Variants in TRHDE observed in about 807,000 individuals in gnomAD.
TRHDE encodes thyrotropin-releasing hormone-degrading ectoenzyme.
In TRHDE, 72 loss-of-function variants were observed where a neutral mutation model predicts 125.7. That is an observed-to-expected ratio of 0.57 (90% CI 0.47 to 0.70). TRHDE has a LOEUF of 0.70. Ranked by LOEUF, TRHDE falls within the 30% of genes least tolerant of loss-of-function variation. The pLI, the probability that TRHDE is intolerant of heterozygous loss-of-function variation, is 0.00. For synonymous variants in TRHDE, 509 were observed against 509.1 expected (o/e 1.00, Z 0.00); for missense variants, 1,110 against 1,327.1 (o/e 0.84, Z 2.54).
chr12:72,667,683 C>G lies in TRHDE; in HGVS notation c.*4488C>G, dbSNP rs554692808. On this transcript the variant is annotated 3_prime_UTR_variant, in exon 19 of 19. Coordinates refer to ENST00000261180, the MANE Select transcript of TRHDE (RefSeq NM_013381.3). ...ACAACTATTTTTGTACACTAGTTCT[C>G]AAAACATTTATGATACCTAGTATAA... 2.0e-5 allele frequency: 3 copies of G among 151,726 alleles called. No individual in the cohort carries two copies. Among genetic ancestry groups the G allele is most frequent in the Non-Finnish European group, 4.4e-5 (3 of 67,744 alleles). 9.4% of individuals were successfully genotyped at this position (151,726 alleles called of 1,614,324 possible).
chr12:72,105,498 A>G (rs192720772), intron 1 of TRHDE: 2 of 152,348 alleles, frequency 1.3e-5, no homozygotes, highest in Non-Finnish European at 2.9e-5. Flanking sequence ...TGGAAATCAC[A>G]ATAGAATTTT....
intron 2 of TRHDE, among the ~76,000 whole-genome samples, chr12:72,150,753 A>C (rs1876341839): frequency 6.6e-6 from 1 of 151,946 alleles, no homozygotes; most frequent in Non-Finnish European, 1.5e-5. Flanking sequence ...GCTGCATAGT[A>C]TTCCATGGTG....
intron 7 of TRHDE, among the ~76,000 whole-genome samples, chr12:72,550,365 G>T (rs1869618614): frequency 1.3e-5 from 2 of 151,948 alleles, no homozygotes; most frequent in African/African-American, 4.8e-5. Flanking sequence ...TGCCTTACAG[G>T]CATTTTTCTG....
intron 9 of TRHDE, among the ~76,000 whole-genome samples, chr12:72,563,285 G>T (rs7311155): frequency 0.27 from 40,467 of 151,922 alleles, 8,132 homozygotes; most frequent in African/African-American, 0.54. Flanking sequence ...AATCATGGTG[G>T]TTAAAAAAAT....
chr12:72,297,371 T>G (rs1880339807), intron 2 of TRHDE, among the ~76,000 whole-genome samples: 1 of 152,060 alleles, frequency 6.6e-6, no homozygotes, highest in Admixed American at 6.5e-5. Flanking sequence ...AGAGGAGGGT[T>G]TCAGATTTCA....
At chr12:72,132,152 G>T (rs1347114200) in intron 2 of TRHDE, among the ~76,000 whole-genome samples, 1 of 152,172 alleles carries the variant, frequency 6.6e-6, no homozygotes, top group Non-Finnish European at 1.5e-5. Context: ...AACTTTTGGA[G>T]TTTGCAGCCT....
intron 2 of TRHDE, among the ~76,000 whole-genome samples, chr12:72,339,137 C>T (rs1265253755): frequency 1.3e-5 from 2 of 152,102 alleles, no homozygotes; most frequent in Non-Finnish European, 2.9e-5. Flanking sequence ...TAAAAGTCCA[C>T]CTTCTTCACA....
intron 2 of TRHDE, among the ~76,000 whole-genome samples, chr12:72,329,420 A>G (rs1869481879): frequency 6.6e-6 from 1 of 152,208 alleles, no homozygotes; most frequent in South Asian, 2.1e-4. Context: ...TTGGGAAATC[A>G]GAGATTTACT....
chr12:72,616,456 A>G (rs1384757656), intron 12 of TRHDE, among the ~76,000 whole-genome samples: 2 of 152,084 alleles, frequency 1.3e-5, no homozygotes, highest in Non-Finnish European at 2.9e-5. Context: ...TTTTATAGAC[A>G]CAGAATGTGA....
intron 2 of TRHDE, among the ~76,000 whole-genome samples, chr12:72,373,245 C>A (rs1380226819): frequency 6.6e-6 from 1 of 152,080 alleles, no homozygotes; most frequent in Non-Finnish European, 1.5e-5. Context: ...GATTTTGTAT[C>A]CTGAGACTTT....
chr12:72,430,445 G>GTGTATATATATACACACA (rs1565738391), intron 3 of TRHDE, among the ~76,000 whole-genome samples: 2 of 144,134 alleles, frequency 1.4e-5, no homozygotes, highest in African/African-American at 5.1e-5. Context: ...ATACACACAC[G>GTGTATATATATACACACA]TATATATATG....
At chr12:72,372,438 G>T (rs960629802) in intron 2 of TRHDE, among the ~76,000 whole-genome samples, 3 of 152,066 alleles carry the variant, frequency 2.0e-5, no homozygotes, top group Non-Finnish European at 2.9e-5. Flanking sequence ...CATTGCTTTT[G>T]GTGTTTTAGA....
At chr12:72,296,187 C>T (rs1375710486) in intron 2 of TRHDE, among the ~76,000 whole-genome samples, 3 of 152,216 alleles carry the variant, frequency 2.0e-5, no homozygotes, top group African/African-American at 2.4e-5. Flanking sequence ...CAATTTCCAT[C>T]AGAGATACCA....
chr12:72,430,625 A>G (rs1874437476), intron 3 of TRHDE, among the ~76,000 whole-genome samples: 1 of 151,682 alleles, frequency 6.6e-6, no homozygotes, highest in Non-Finnish European at 1.5e-5. Context: ...CCCCTGATCT[A>G]TATGTCTGTC....
At chr12:72,621,608 T>C in intron 14 of TRHDE, 36 bp from the exon 15 acceptor site, 1 of 1,480,076 alleles carries the variant, frequency 6.8e-7, no homozygotes, top group Non-Finnish European at 9.3e-7. Context: ...TTCCCTAACT[T>C]TCTTTTTAAT....
intron 3 of TRHDE, among the ~76,000 whole-genome samples, chr12:72,414,732 A>G (rs1369641461): frequency 6.6e-6 from 1 of 152,152 alleles, no homozygotes; most frequent in Non-Finnish European, 1.5e-5. Flanking sequence ...CATGGAATGT[A>G]TTAATTGATC....
intron 2 of TRHDE, among the ~76,000 whole-genome samples, chr12:72,230,199 T>C (rs1045200503): frequency 1.1e-4 from 16 of 152,190 alleles, no homozygotes; most frequent in African/African-American, 3.4e-4. Context: ...GAAATTTTAA[T>C]AAATATTACC....
rs371928300 is a variant in TRHDE at position 72,568,675 on chromosome 12, C to T, written c.2131+19C>T. ...AAATCAGGTAAACTATATATTCTCC[C>T]CTGAGGAAGTATCTGGTTTCAGATA... is the stretch of plus-strand genomic sequence containing the variant. On this transcript the variant is annotated intron_variant, in intron 10 of 18. Coordinates refer to ENST00000261180, the MANE Select transcript of TRHDE (RefSeq NM_013381.3). 1.6e-5 allele frequency: 25 copies of T among 1,532,816 alleles called. No homozygotes were observed. Among genetic ancestry groups the T allele is most frequent in the Non-Finnish European group, 2.1e-5 (23 of 1,111,450 alleles). The allele number at this position is 1,532,816 out of a possible 1,614,324, so 95.0% of individuals were successfully genotyped here. A position where few individuals can be genotyped will look rare whatever the true frequency, so the allele number is the denominator to read the frequency against.
chr12:72,373,299 G>A (rs868099364), intron 2 of TRHDE, among the ~76,000 whole-genome samples: 49 of 152,262 alleles, frequency 3.2e-4, no homozygotes, highest in Admixed American at 6.5e-4. Context: ...GGCTGAGACA[G>A]TGGGGTTTTC....
Sources: gnomAD v4.1 joint callset for allele counts (sites outside exome capture counted in the v4.1 genomes callset) on GRCh38, gnomAD v4.1.1 for gene constraint, MANE v1.5 for transcripts, NCBI Gene and HGNC (gene_info 2026-07-23, HGNC 2026-07-21) for gene names.